Variants in SYNE1 observed in about 807,000 individuals in gnomAD.
SYNE1 encodes the protein spectrin repeat containing nuclear envelope protein 1.
A neutral mutation model predicts 1,111.0 loss-of-function variants in SYNE1; 616 were observed. That is an observed-to-expected ratio of 0.55 (90% CI 0.52 to 0.59). The LOEUF (loss-of-function observed/expected upper bound fraction) is 0.59, where lower values mean the gene tolerates loss of function less well. Among genes scored for constraint, SYNE1 ranks in the 20% least tolerant of loss-of-function variants. The probability of loss-of-function intolerance (pLI) is 0.00; values close to 1 mark genes in which losing one functional copy is unlikely to be tolerated. For missense variants in SYNE1, 10,006 were observed against 10,417.0 expected, an observed-to-expected ratio of 0.96 and a Z score of 1.72; for synonymous variants, 3,855 against 3,825.8, an observed-to-expected ratio of 1.01 and a Z score of -0.28.
rs778686915 is a variant in SYNE1 at position 152,395,537 on chromosome 6, A to T, written c.7691T>A (p.Leu2564Ter). 4.3e-6 allele frequency: 7 copies of T among 1,613,838 alleles called. No individual in the cohort carries two copies. The Admixed American group carries it at 1.2e-4, about 27-fold the overall frequency. Residue 2564 changes from leucine to a stop codon, truncating the protein, a stop_gained, in exon 51 of 146, where the codon TTG becomes TAG. Coordinates refer to ENST00000367255, the MANE Select transcript of SYNE1 (RefSeq NM_182961.4). LOFTEE classifies it high-confidence loss of function. The part of the protein sequence containing the change: ...KNEVHKVEMF[L>*]GELLAARESL... The stretch of plus-strand genomic sequence containing the variant: ...ATACCTTGCAGCCAGCAGTTCTCCC[A>T]AAAACATTTCAACTTTATGAACTTC...
chr6:152,213,316 G>A (rs555730989), intron 123 of SYNE1, among the ~76,000 whole-genome samples: 8 of 152,176 alleles, frequency 5.3e-5, no homozygotes, highest in Non-Finnish European at 7.4e-5. Flanking sequence ...ATCTATACAC[G>A]TTCCACCAAC....
At chr6:152,133,694 T>C in intron 142 of SYNE1, 1 of 600,202 alleles carries the variant, frequency 1.7e-6, no homozygotes, top group Non-Finnish European at 3.0e-6. Context: ...CCCCTGACCG[T>C]CTCTGATCTC....
chr6:152,182,376 T>C (rs2068349760), intron 128 of SYNE1, among the ~76,000 whole-genome samples: 1 of 152,200 alleles, frequency 6.6e-6, no homozygotes, highest in African/African-American at 2.4e-5. Flanking sequence ...CCACTATTCA[T>C]TCCACTGCAT....
At chr6:152,624,397 T>C (rs577552273) in intron 3 of SYNE1, among the ~76,000 whole-genome samples, 6 of 152,104 alleles carry the variant, frequency 3.9e-5, no homozygotes, top group Non-Finnish European at 5.9e-5. Context: ...TAAGTAACTA[T>C]AAAAAATTAC....
intron 130 of SYNE1, among the ~76,000 whole-genome samples, chr6:152,173,657 C>T (rs999900763): frequency 5.9e-5 from 9 of 152,212 alleles, no homozygotes; most frequent in Non-Finnish European, 1.2e-4. Flanking sequence ...GACTGTGACT[C>T]TAACATGGTG....
At chr6:152,338,512 T>C (rs761327327) in intron 75 of SYNE1, among the ~76,000 whole-genome samples, 9 of 151,664 alleles carry the variant, frequency 5.9e-5, no homozygotes, top group Non-Finnish European at 1.0e-4. Flanking sequence ...GTCCCAGCTA[T>C]TGGGAGGCGG....
In SYNE1 at chr6:152,143,782, A is replaced by G; in HGVS notation, c.24977-17T>C. 1 of 1,614,186 alleles carries G rather than the reference A, an allele frequency of 6.2e-7. No individual in the cohort carries two copies. Among genetic ancestry groups the G allele is most frequent in the Admixed American group, 1.7e-5 (1 of 60,022 alleles). On this transcript the variant is annotated splice_polypyrimidine_tract_variant and intron_variant, in intron 137 of 145. Coordinates refer to ENST00000367255, the MANE Select transcript of SYNE1 (RefSeq NM_182961.4). ...TGTGGTCCCCTGCGGTGGCAACCAT[A>G]AGAATCTTTACTGGACAAACTATTT... is the stretch of plus-strand genomic sequence containing the variant.
intron 3 of SYNE1, among the ~76,000 whole-genome samples, chr6:152,557,918 A>G (rs1466914190): frequency 6.6e-6 from 1 of 152,188 alleles, no homozygotes; most frequent in Non-Finnish European, 1.5e-5. Flanking sequence ...AATTCACAAT[A>G]TCCTAATACT....
At chr6:152,532,305 C>A (rs987623445) in intron 4 of SYNE1, among the ~76,000 whole-genome samples, 2 of 152,200 alleles carry the variant, frequency 1.3e-5, no homozygotes, top group East Asian at 3.9e-4. Flanking sequence ...CCATCTAGGA[C>A]CTCATTTGCC....
rs910808817 is a variant in SYNE1 at position 152,364,946 on chromosome 6, T to C, written c.10046A>G (p.Gln3349Arg). 1.1e-5 allele frequency: 17 copies of C among 1,614,260 alleles called. No homozygotes were observed. The highest frequency in any genetic ancestry group is 1.4e-5 in the Non-Finnish European group (17 of 1,180,034). ...MIVTRGESVL[Q>R]NTSPEGIPTI... The stretch of plus-strand genomic sequence containing the variant: ...GGGAATGCCTTCTGGAGAAGTATTC[T>C]GAAGGACAGATTCTCCCCTGGTCAC... The change falls in exon 63 of 146, where the codon CAG (glutamine) becomes CGG (arginine). Residue 3349 changes from glutamine (Q) to arginine (R), a missense_variant. Physicochemically the swap from Gln to Arg is conservative, Grantham distance 43. Coordinates refer to ENST00000367255, the MANE Select transcript of SYNE1 (RefSeq NM_182961.4).
intron 4 of SYNE1, among the ~76,000 whole-genome samples, chr6:152,537,414 G>T (rs10457879): frequency 0.26 from 39,741 of 151,510 alleles, 6,289 homozygotes; most frequent in East Asian, 0.46. Context: ...CTTATAATAA[G>T]ATTTTTGTTT....
Position 152,461,625 on chromosome 6 carries a change from A to G in SYNE1, c.2366T>C (p.Met789Thr), listed in dbSNP as rs2098734648. 5 of 1,614,000 alleles carry G rather than the reference A, an allele frequency of 3.1e-6. No homozygotes were observed. Among genetic ancestry groups the G allele is most frequent in the Non-Finnish European group, 4.2e-6 (5 of 1,179,928 alleles). ...QEEGKEMFAT[M>T]SKLKEQLTKV... ...GGTTAGCTGCTCTTTGAGCTTTGAC[A>G]TGGTCGCAAACATTTCTTTTCCTTC... is the stretch of plus-strand genomic sequence containing the variant. Residue 789 changes from methionine to threonine, a missense_variant, in exon 21 of 146, where the codon ATG (methionine) becomes ACG (threonine). Met to Thr is a moderately conservative substitution (Grantham distance 81). Transcript: ENST00000367255.
intron 42 of SYNE1, 36 bp downstream of exon 42, chr6:152,413,316 A>T (rs760462824): frequency 1.9e-6 from 3 of 1,611,834 alleles, no homozygotes; most frequent in South Asian, 2.2e-5. Flanking sequence ...AATAAGTGGG[A>T]AGCTAAAAAC....
intron 81 of SYNE1, 121 bp downstream of exon 81, chr6:152,324,963 A>AT (rs1413507484): frequency 1.7e-6 from 2 of 1,205,158 alleles, no homozygotes; most frequent in Non-Finnish European, 1.2e-6. Flanking sequence ...ACTGAAACAG[A>AT]TTTTAAAAAG....
intron 3 of SYNE1, among the ~76,000 whole-genome samples, chr6:152,548,019 C>T (rs2099322752): frequency 6.6e-6 from 1 of 152,040 alleles, no homozygotes; most frequent in African/African-American, 2.4e-5. Context: ...TCAATTATAC[C>T]TCAATAAGGC....
At chr6:152,578,518 T>C (rs2099509007) in intron 3 of SYNE1, among the ~76,000 whole-genome samples, 1 of 152,100 alleles carries the variant, frequency 6.6e-6, no homozygotes, top group Non-Finnish European at 1.5e-5. Context: ...CACTTGAACA[T>C]GGGAGGCAGA....
At chr6:152,252,838 A>G (rs1191184082) in intron 104 of SYNE1, among the ~76,000 whole-genome samples, 1 of 152,248 alleles carries the variant, frequency 6.6e-6, no homozygotes, top group Non-Finnish European at 1.5e-5. Context: ...TTTAAAGAGA[A>G]TTCCATGATT....
intron 100 of SYNE1, among the ~76,000 whole-genome samples, chr6:152,265,806 C>T (rs1200453729): frequency 6.6e-6 from 1 of 152,148 alleles, no homozygotes; most frequent in Non-Finnish European, 1.5e-5. Context: ...TAACATAGTA[C>T]TTATTCCTTA....
chr6:152,148,477 A>G lies in SYNE1; in HGVS notation c.24643-99T>C. 3.0e-6 allele frequency: 3 copies of G among 1,004,414 alleles called. No individual in the cohort carries two copies. Among genetic ancestry groups the G allele is most frequent in the East Asian group, 5.2e-5 (2 of 38,622 alleles). 62.2% of individuals were successfully genotyped at this position (1,004,414 alleles called of 1,614,324 possible). A position where few individuals can be genotyped will look rare whatever the true frequency, so the allele number is the denominator to read the frequency against. ...ATGTGGGGACAATTTTTAACTTCTT[A>G]TGAGCAAATAAATAAGAATCTTCTG... On this transcript the variant is annotated intron_variant, in intron 136 of 145. Coordinates refer to ENST00000367255, the MANE Select transcript of SYNE1 (RefSeq NM_182961.4). This position sits in a 1 kb window ranked among gnomAD's most constrained non-coding sequence, Gnocchi z 4.1.
Sources: gnomAD v4.1 joint callset for allele counts (sites outside exome capture counted in the v4.1 genomes callset) on GRCh38, gnomAD v4.1.1 for gene constraint, Gnocchi (gnomAD v3.1) non-coding constraint, MANE v1.5 for transcripts, NCBI Gene and HGNC (gene_info 2026-07-23, HGNC 2026-07-21) for gene names.